The following NRP1 variants were observed in gnomAD, a reference collection of about 807,000 sequenced individuals.
The protein encoded by NRP1 is neuropilin 1.
NRP1 carries 35 observed loss-of-function variants against 106.7 expected under a neutral mutation model. That is an observed-to-expected ratio of 0.33 (90% CI 0.25 to 0.43). The LOEUF (loss-of-function observed/expected upper bound fraction) is 0.43, where lower values mean the gene tolerates loss of function less well. Among genes scored for constraint, NRP1 ranks in the 20% least tolerant of loss-of-function variants. NRP1 has a pLI of 1.00. For synonymous variants in NRP1, 437 were observed against 417.9 expected (o/e 1.05, Z -0.56); for missense variants, 1,024 against 1,170.4 (o/e 0.87, Z 1.83).
At chr10:33,289,559 G>T (rs114334252) in intron 2 of NRP1, among the ~76,000 whole-genome samples, 2 of 152,124 alleles carry the variant, frequency 1.3e-5, no homozygotes, top group African/African-American at 4.8e-5. Context: ...TGACATTGAC[G>T]CATTTCAAAT....
chr10:33,296,495 C>T (rs989827703), intron 2 of NRP1, among the ~76,000 whole-genome samples: 2 of 152,162 alleles, frequency 1.3e-5, no homozygotes, highest in Non-Finnish European at 2.9e-5. Context: ...TGGACCCTTG[C>T]AGGAGGTCTG....
intron 2 of NRP1, among the ~76,000 whole-genome samples, chr10:33,295,461 AT>A (rs1845322693): frequency 6.6e-6 from 1 of 152,200 alleles, no homozygotes; most frequent in Non-Finnish European, 1.5e-5. Context: ...TAATCTCAGC[AT>A]TTTGGGAGGC....
chr10:33,224,381 G>A (rs1383205145), intron 7 of NRP1, among the ~76,000 whole-genome samples: 1 of 152,062 alleles, frequency 6.6e-6, no homozygotes. Context: ...AAACATGTTG[G>A]TGAAATAGCC....
intron 2 of NRP1, among the ~76,000 whole-genome samples, chr10:33,287,241 T>C (rs1447174001): frequency 1.3e-5 from 2 of 152,228 alleles, no homozygotes; most frequent in Non-Finnish European, 2.9e-5. Flanking sequence ...AAATACAATG[T>C]CTTCAAAAAT....
At chr10:33,254,707 T>A (rs1437586531) in intron 5 of NRP1, among the ~76,000 whole-genome samples, 1 of 152,228 alleles carries the variant, frequency 6.6e-6, no homozygotes, top group Non-Finnish European at 1.5e-5. Flanking sequence ...TCTTCCTGAC[T>A]TCCATTGTTC....
At chr10:33,279,356 C>A (rs1040312644) in intron 2 of NRP1, among the ~76,000 whole-genome samples, 3 of 152,182 alleles carry the variant, frequency 2.0e-5, no homozygotes, top group African/African-American at 7.2e-5. Flanking sequence ...AAGCTCACAC[C>A]ACTGGCAGAG....
chr10:33,196,922 A>T (rs980584861), intron 12 of NRP1, among the ~76,000 whole-genome samples: 3 of 152,152 alleles, frequency 2.0e-5, no homozygotes, highest in African/African-American at 7.2e-5. Flanking sequence ...ACCTTAGTCT[A>T]ATGATTAACT....
At chr10:33,207,755 A>G (rs202189463) in intron 9 of NRP1, 39 bp from the exon 10 acceptor site, 3 of 1,455,188 alleles carry the variant, frequency 2.1e-6, no homozygotes, top group Non-Finnish European at 1.9e-6. Context: ...AAGGAAAAAA[A>G]AAAACAGAGC....
intron 3 of NRP1, 92 bp downstream of exon 3, chr10:33,270,583 T>G: frequency 8.9e-7 from 1 of 1,127,956 alleles, no homozygotes; most frequent in South Asian, 2.0e-5. Context: ...TGCCTCGGCC[T>G]CCCAAAGTGC....
At position 33,180,149 on chromosome 10, in the gene NRP1, T is replaced by A; in HGVS notation, c.2699A>T (p.Asn900Ile). 1 of 1,614,120 alleles carries A rather than the reference T, an allele frequency of 6.2e-7. No homozygotes were observed. The highest frequency in any genetic ancestry group is 8.5e-7 in the Non-Finnish European group (1 of 1,180,022). ...ERNLSALENY[N>I]FELVDGVKLK... ...CTTCACACCATCCACAAGTTCAAAG[T>A]TATAGTTCTCCAGGGCAGACAAGTT... The change falls in exon 17 of 17, where the codon AAC (asparagine) becomes ATC (isoleucine). Residue 900 changes from asparagine to isoleucine, a missense_variant. Physicochemically the swap from Asn to Ile is moderately radical, Grantham distance 149. This residue lies in a region of NRP1 where 164 missense variants were observed against 161.4 expected (regional missense o/e 1.02). Transcript: ENST00000374867.
chr10:33,220,900 C>CAAAAAAAAAA (rs35895871), intron 8 of NRP1, among the ~76,000 whole-genome samples: 7 of 60,642 alleles, frequency 1.2e-4, no homozygotes, highest in African/African-American at 2.3e-4. Context: ...GGCTCAGTCT[C>CAAAAAAAAAA]AAAAAAAAAA....
chr10:33,294,871 T>A (rs544711564), intron 2 of NRP1, among the ~76,000 whole-genome samples: 142 of 152,170 alleles, frequency 9.3e-4, no homozygotes, highest in African/African-American at 3.2e-3. Flanking sequence ...AACAAACACA[T>A]CATGATTCAA....
intron 1 of NRP1, among the ~76,000 whole-genome samples, chr10:33,332,731 G>C (rs1345264408): frequency 6.6e-6 from 1 of 152,186 alleles, no homozygotes; most frequent in Non-Finnish European, 1.5e-5. Flanking sequence ...AGAGGAGGTG[G>C]ACATGGCTTT....
intron 15 of NRP1, 85 bp from the exon 16 acceptor site, chr10:33,182,833 G>T: frequency 1.3e-6 from 1 of 746,330 alleles, no homozygotes; most frequent in Non-Finnish European, 2.3e-6. Flanking sequence ...TTAGGTACAT[G>T]CACACACACA....
chr10:33,311,337 G>GC (rs1416301565), intron 2 of NRP1, among the ~76,000 whole-genome samples: 1 of 152,164 alleles, frequency 6.6e-6, no homozygotes, highest in Non-Finnish European at 1.5e-5. Context: ...CTTGTTTAGA[G>GC]CATGATCTAG....
intron 13 of NRP1, among the ~76,000 whole-genome samples, chr10:33,187,085 C>T (rs971308378): frequency 9.9e-5 from 15 of 151,982 alleles, no homozygotes; most frequent in African/African-American, 3.6e-4. Context: ...GTTGCCCAGG[C>T]TAGTCTCAAA....
At chr10:33,224,734 G>A (rs1219268534) in intron 7 of NRP1, among the ~76,000 whole-genome samples, 2 of 151,912 alleles carry the variant, frequency 1.3e-5, no homozygotes, top group African/African-American at 2.4e-5. Flanking sequence ...CCCCGCTACC[G>A]ACAAGTCCCA....
intron 12 of NRP1, among the ~76,000 whole-genome samples, chr10:33,195,974 G>A (rs1462703800): frequency 6.6e-6 from 1 of 152,128 alleles, no homozygotes; most frequent in Non-Finnish European, 1.5e-5. Context: ...TCTGACCACA[G>A]TAGACTCTGT....
At chr10:33,225,996 A>T in intron 7 of NRP1, 138 bp downstream of exon 7, 2 of 928,320 alleles carry the variant, frequency 2.2e-6, no homozygotes, top group Non-Finnish European at 3.2e-6. Context: ...GGTTAGATTT[A>T]AACCTCTAAT....
Sources: allele counts gnomAD v4.1 joint callset (sites outside exome capture counted in the v4.1 genomes callset), GRCh38; gene constraint gnomAD v4.1.1; regional missense constraint gnomAD v4.1.1; transcripts MANE v1.5; gene names NCBI Gene and HGNC (gene_info 2026-07-23, HGNC 2026-07-21).